CACNA1S: variants seen among roughly 807,000 people sequenced by gnomAD.
CACNA1S encodes calcium voltage-gated channel subunit alpha1 S, also known as voltage-dependent L-type calcium channel subunit alpha-1S.
In CACNA1S, 126 loss-of-function variants were observed where a neutral mutation model predicts 207.4. That is an observed-to-expected ratio of 0.61 (90% confidence interval 0.53 to 0.70). CACNA1S has a LOEUF of 0.70. CACNA1S is among the 30% of genes least tolerant of loss of function. CACNA1S has a pLI of 0.00. For synonymous variants in CACNA1S, 960 were observed against 932.7 expected (o/e 1.03, Z -0.53); for missense variants, 2,349 against 2,422.8 (o/e 0.97, Z 0.64).
Position 201,066,414 on chromosome 1 carries a change from T to C in CACNA1S, c.2658-98A>G. The C allele has an allele frequency of 9.8e-7, 1 of 1,020,600 alleles. No individual in the cohort carries two copies. Among genetic ancestry groups the C allele is most frequent in the South Asian group, 1.3e-5 (1 of 78,936 alleles). The allele number at this position is 1,020,600 out of a possible 1,614,324, so 63.2% of individuals were successfully genotyped here. On this transcript the variant is annotated intron_variant, in intron 20 of 43. Coordinates refer to ENST00000362061, the MANE Select transcript of CACNA1S (RefSeq NM_000069.3). The surrounding 1 kb of genome is among the most constrained non-coding windows in gnomAD (Gnocchi z 4.3). ...GCCATATCCTGCCCTCCACACCAGCTGCCTTTCTGCCTGAAAACACTCCCA... is the reference window on the plus strand; with the variant it reads ...GCCATATCCTGCCCTCCACACCAGCCGCCTTTCTGCCTGAAAACACTCCCA...
At chr1:201,103,988 A>AGGCCCTGCCC (rs1296927627) in intron 2 of CACNA1S, among the ~76,000 whole-genome samples, 1 of 147,324 alleles carries the variant, frequency 6.8e-6, no homozygotes, top group Non-Finnish European at 1.5e-5. Flanking sequence ...AGAGCTTGCC[A>AGGCCCTGCCC]GGCCCTGCCC....
At chr1:201,045,152 G>T (rs761735853) in intron 38 of CACNA1S, among the ~76,000 whole-genome samples, 7 of 152,178 alleles carry the variant, frequency 4.6e-5, no homozygotes, top group Non-Finnish European at 8.8e-5. Flanking sequence ...AGTCAAGACT[G>T]GTGTCACCTA....
intron 2 of CACNA1S, among the ~76,000 whole-genome samples, chr1:201,107,785 G>A (rs370130909): frequency 6.6e-5 from 10 of 152,124 alleles, no homozygotes; most frequent in African/African-American, 1.2e-4. Context: ...CCCTGAGCTC[G>A]AAGGTGGCTG....
chr1:201,077,201 G>T (rs1405663326), intron 11 of CACNA1S, 74 bp from the exon 12 acceptor site: 12 of 1,303,188 alleles, frequency 9.2e-6, no homozygotes, highest in Non-Finnish European at 1.3e-5. Flanking sequence ...GGACAGGCTT[G>T]GGGGAAAGAC....
chr1:201,111,891 C>A (rs1464227978), intron 1 of CACNA1S, among the ~76,000 whole-genome samples: 1 of 119,216 alleles, frequency 8.4e-6, no homozygotes, highest in African/African-American at 3.1e-5. Flanking sequence ...GCCCAGGAAG[C>A]CCCACCAAGT....
rs762915589 is a variant in CACNA1S at position 201,062,052 on chromosome 1, T to G, written c.2945A>C (p.Gln982Pro). ...CCACTCGCGGTGACGCAGCTCTATC[T>G]GCATGGGGTCCCCGTCCTTGTACAC... ...YYVYKDGDPMQIELRHREWVH... is the reference protein window; with the variant it reads ...YYVYKDGDPMPIELRHREWVH... The change falls in exon 24 of 44, where the codon CAG becomes CCG. Residue 982 changes from glutamine (Q) to proline (P), a missense_variant. Physicochemically the swap from Gln to Pro is moderately conservative, Grantham distance 76 (BLOSUM62 -1). Transcript: ENST00000362061. The G allele has an allele frequency of 3.1e-6, 5 of 1,614,168 alleles. No individual in the cohort carries two copies. In the South Asian group the frequency reaches 5.5e-5, roughly 18 times the overall value.
Position 201,057,787 on chromosome 1 carries a change from C to T in CACNA1S, c.3609+621G>A, listed in dbSNP as rs1660897505. On this transcript the variant is annotated intron_variant, in intron 28 of 43. Transcript: ENST00000362061. ...GACCAGCCTGGGCAACACGAGGAGA[C>T]TCCATCTCTATATTTCAAAAACATA... Among the ~76,000 whole-genome samples the T allele has an allele frequency of 2.0e-5, 3 of 147,976 alleles. No individual in the cohort carries two copies. The South Asian group carries it at 6.9e-4, about 34-fold the overall frequency.
At chr1:201,072,865 G>A in intron 15 of CACNA1S, 41 bp from the exon 16 acceptor site, 1 of 1,543,404 alleles carries the variant, frequency 6.5e-7, no homozygotes, top group Non-Finnish European at 9.0e-7. Flanking sequence ...TGAAAAAGAA[G>A]TTGCGGTTTC....
intron 2 of CACNA1S, among the ~76,000 whole-genome samples, chr1:201,094,442 C>T (rs544877356): frequency 6.6e-6 from 1 of 151,364 alleles, no homozygotes; most frequent in South Asian, 2.1e-4. Flanking sequence ...GATTTTTGTC[C>T]ATTTTTTTTT....
chr1:201,059,603 A>G (rs1018943163), intron 26 of CACNA1S, among the ~76,000 whole-genome samples: 1 of 152,228 alleles, frequency 6.6e-6, no homozygotes, highest in Non-Finnish European at 1.5e-5. Flanking sequence ...GCCAAAGCTC[A>G]TTTACATATC....
chr1:201,085,054 C>T (rs763111955), intron 8 of CACNA1S, 23 bp from the exon 9 acceptor site: 4 of 1,591,794 alleles, frequency 2.5e-6, no homozygotes, highest in Middle Eastern at 1.8e-4. Context: ...GAGAAAGAGT[C>T]AGCCAGCCTT....
intron 28 of CACNA1S, among the ~76,000 whole-genome samples, chr1:201,055,712 C>T (rs1285984996): frequency 6.6e-6 from 1 of 152,174 alleles, no homozygotes; most frequent in Non-Finnish European, 1.5e-5. Context: ...CTCCCCTAGT[C>T]CTTTCCCTGG....
rs1445725479 is a variant in CACNA1S at position 201,057,521 on chromosome 1, G to A, written c.3609+887C>T. The stretch of plus-strand genomic sequence containing the variant: ...TTGTTCCACAATTTTGTTCACTGCT[G>A]TATCTCAGGCAGCAAGAATCATGCC... On this transcript the variant is annotated intron_variant, in intron 28 of 43. Transcript: ENST00000362061. Among the ~76,000 whole-genome samples the A allele has an allele frequency of 2.6e-5, 4 of 152,230 alleles. No individual in the cohort carries two copies. In the East Asian group the frequency reaches 7.7e-4, roughly 29 times the overall value.
At chr1:201,078,154 G>T in intron 10 of CACNA1S, 50 bp from the exon 11 acceptor site, 1 of 1,430,994 alleles carries the variant, frequency 7.0e-7, no homozygotes, top group South Asian at 1.1e-5. Context: ...CCCTTCTCCT[G>T]ACTCCCAGCC....
At chr1:201,087,728 C>A (rs1662085264) in intron 7 of CACNA1S, 98 bp downstream of exon 7, 1 of 803,852 alleles carries the variant, frequency 1.2e-6, no homozygotes, top group Non-Finnish European at 2.1e-6. Context: ...TCGCCCCCCA[C>A]CCCTCCTGTT....
chr1:201,061,687 A>T (rs1478788398), intron 24 of CACNA1S, among the ~76,000 whole-genome samples: 1 of 152,186 alleles, frequency 6.6e-6, no homozygotes, highest in Admixed American at 6.5e-5. Context: ...TCCCTAATCA[A>T]TCAGTATTAA....
chr1:201,057,044 T>A (rs1246738384), intron 28 of CACNA1S, among the ~76,000 whole-genome samples: 1 of 152,198 alleles, frequency 6.6e-6, no homozygotes, highest in Non-Finnish European at 1.5e-5. Context: ...ACAGTTTAGT[T>A]TGTTCGCAAC....
Position 201,077,118 on chromosome 1 carries a change from C to T in CACNA1S, c.1629G>A (p.Thr543=), listed in dbSNP as rs143999390. Residue 543 remains threonine (T), a synonymous_variant, in exon 12 of 44, where the codon ACG becomes ACA. Coordinates refer to ENST00000362061, the MANE Select transcript of CACNA1S (RefSeq NM_000069.3). ...LRIFKITKYW[T]SLSNLVASLL... Reference sequence around the variant, plus strand: ...GGGATGCCACCAGGTTGCTCAGCGACGTCCAATATCTGAAGGAAGAGGAGG... The same window carrying T: ...GGGATGCCACCAGGTTGCTCAGCGATGTCCAATATCTGAAGGAAGAGGAGG... 2.9e-5 allele frequency: 46 copies of T among 1,613,854 alleles called. No individual in the cohort carries two copies. Among genetic ancestry groups the T allele is most frequent in the African/African-American group, 6.7e-5 (5 of 74,916 alleles).
In CACNA1S at chr1:201,087,830, T is replaced by G; in HGVS notation, c.1000A>C (p.Ser334Arg). The change falls in exon 7 of 44, where the codon AGT (serine) becomes CGT (arginine). Residue 334 changes from serine to arginine, a missense_variant. By Grantham distance (110) the Ser-to-Arg change is moderately radical (BLOSUM62 -1). Transcript: ENST00000362061. ...GGCTACCTTTGAATTTCTTACCCAC[T>G]CAGGACACCCAGCACCAGGTTGAGG... ...FILNLVLGVLSGEFTKEREKA... is the reference protein window; with the variant it reads ...FILNLVLGVLRGEFTKEREKA... 1 of 1,601,420 alleles carries G rather than the reference T, an allele frequency of 6.2e-7. No individual in the cohort carries two copies. The highest frequency in any genetic ancestry group is 8.5e-7 in the Non-Finnish European group (1 of 1,171,128).
Sources: allele counts gnomAD v4.1 joint callset (sites outside exome capture counted in the v4.1 genomes callset), GRCh38; gene constraint gnomAD v4.1.1; non-coding constraint Gnocchi (gnomAD v3.1); transcripts MANE v1.5; gene names NCBI Gene and HGNC (gene_info 2026-07-23, HGNC 2026-07-21).